The following RNF19B variants were observed in gnomAD, a reference collection of about 807,000 sequenced individuals.
RNF19B encodes E3 ubiquitin-protein ligase RNF19B.
In RNF19B, 23 loss-of-function variants were observed where a neutral mutation model predicts 65.5. That is an observed-to-expected ratio of 0.35 (90% CI 0.25 to 0.50). The LOEUF (loss-of-function observed/expected upper bound fraction) is 0.50. Ranked by LOEUF, RNF19B falls within the 20% of genes least tolerant of loss-of-function variation. The pLI, the probability that RNF19B is intolerant of heterozygous loss-of-function variation, is 0.98. For synonymous variants in RNF19B, 372 were observed against 379.6 expected (o/e 0.98, Z 0.23); for missense variants, 794 against 980.0 (o/e 0.81, Z 2.53).
chr1:32,932,833 C>A (rs1472165937), downstream of RNF19B, among the ~76,000 whole-genome samples: 4 of 152,194 alleles, frequency 2.6e-5, no homozygotes, highest in Non-Finnish European at 5.9e-5. Context: ...TTTGTTCCAG[C>A]CATATAGGCC....
Position 32,937,000 on chromosome 1 carries a change from T to C in RNF19B, c.2002A>G (p.Ser668Gly). 6.2e-7 allele frequency: 1 copy of C among 1,614,154 alleles called. No homozygotes were observed. The highest frequency in any genetic ancestry group is 8.5e-7 in the Non-Finnish European group (1 of 1,180,040). Residue 668 changes from serine (S) to glycine (G), a missense_variant, in exon 9 of 9, where the codon AGT (serine) becomes GGT (glycine). Around this residue, in one of 3 missense-constraint regions of RNF19B, gnomAD observed 368 missense variants for 447.3 expected, o/e 0.82. Coordinates refer to ENST00000235150, the MANE Select transcript of RNF19B (RefSeq NM_001300826.2). ...QPESIRSDLE[S>G]SDAQSDDVPD... is the part of the protein sequence containing the mutation. ...ACATCGTCTGACTGTGCATCAGAACTCTCTAGGTCACTGCGGATGCTTTCA... is the reference window on the plus strand; with the variant it reads ...ACATCGTCTGACTGTGCATCAGAACCCTCTAGGTCACTGCGGATGCTTTCA...
chr1:32,949,543 G>C (rs368102409), intron 2 of RNF19B, 26 bp downstream of exon 2: 7 of 1,595,786 alleles, frequency 4.4e-6, no homozygotes, highest in Non-Finnish European at 4.3e-6. Flanking sequence ...CAAATAAAGA[G>C]ACAATGAGAT....
chr1:32,964,416 C>CGCCTCGGCCTCG lies in RNF19B; in HGVS notation c.258_269dup (p.Glu89_Ala92dup), dbSNP rs1184731431. ...GCTCCGCCGCCGCCGCCGCGGCCTC[C>CGCCTCGGCCTCG]GCCTCGGCCTCGGCGGCCGGCTCGG... On this transcript the variant is annotated inframe_insertion, in exon 1 of 9. Coordinates refer to ENST00000235150, the MANE Select transcript of RNF19B (RefSeq NM_001300826.2). The surrounding 1 kb of genome is among the most constrained non-coding windows in gnomAD (Gnocchi z 6.5). 2.2e-5 allele frequency: 27 copies of CGCCTCGGCCTCG among 1,235,684 alleles called. No homozygotes were observed. The African/African-American group carries it at 4.1e-4, about 19-fold the overall frequency. The allele number at this position is 1,235,684 out of a possible 1,614,324, so 76.5% of individuals were successfully genotyped here.
chr1:32,954,891 C>A (rs1244265705), intron 1 of RNF19B, among the ~76,000 whole-genome samples: 2 of 152,100 alleles, frequency 1.3e-5, no homozygotes, highest in Non-Finnish European at 2.9e-5. Context: ...ATCGTACACT[C>A]TGTCCTACTT....
chr1:32,932,884 A>G (rs960648900), downstream of RNF19B, among the ~76,000 whole-genome samples: 1 of 151,780 alleles, frequency 6.6e-6, no homozygotes, highest in African/African-American at 2.4e-5. Context: ...AGGATGCTCT[A>G]CCAAAGGGCC....
downstream of RNF19B, among the ~76,000 whole-genome samples, chr1:32,934,867 C>CT (rs1642071050): frequency 6.6e-6 from 1 of 152,170 alleles, no homozygotes; most frequent in South Asian, 2.1e-4. Context: ...GAGTCTCACT[C>CT]TGTCACCCAG....
At chr1:32,930,965 G>A in the RNF19B span, among the ~76,000 whole-genome samples, 1 of 152,094 alleles carries the variant, frequency 6.6e-6, no homozygotes, top group Non-Finnish European at 1.5e-5. Context: ...GCATGAGCCT[G>A]TAATTCCAGC....
intron 5 of RNF19B, 93 bp from the exon 6 acceptor site, chr1:32,944,252 T>A (rs969653730): frequency 7.2e-7 from 1 of 1,391,692 alleles, no homozygotes; most frequent in African/African-American, 1.5e-5. Flanking sequence ...AACCACTTTA[T>A]AAAGAAAGGA....
At position 32,942,386 on chromosome 1, in the gene RNF19B, C is replaced by G. The variant is rs1309593933; in HGVS notation, c.1476G>C (p.Leu492Phe). ...ESSIEGLTSVLSTSGSPTDGL... is the reference protein window; with the variant it reads ...ESSIEGLTSVFSTSGSPTDGL... ...CATCTGTAGGGCTTCCACTAGTGCT[C>G]AATACACTAGTCAGGCCTTCAATGC... The change falls in exon 7 of 9, where the codon TTG becomes TTC. Residue 492 changes from leucine to phenylalanine, a missense_variant. Transcript: ENST00000235150. 3.1e-6 allele frequency: 5 copies of G among 1,614,036 alleles called. No homozygotes were observed. The highest frequency in any genetic ancestry group is 4.2e-6 in the Non-Finnish European group (5 of 1,179,892).
At chr1:32,935,043 G>A (rs1642074429), downstream of RNF19B, among the ~76,000 whole-genome samples, 1 of 151,942 alleles carries the variant, frequency 6.6e-6, no homozygotes, top group African/African-American at 2.4e-5. Flanking sequence ...TGTTGGCCAG[G>A]ATGGTCTTGA....
chr1:32,955,205 T>C (rs1468389550), intron 1 of RNF19B, among the ~76,000 whole-genome samples: 1 of 152,104 alleles, frequency 6.6e-6, no homozygotes, highest in Non-Finnish European at 1.5e-5. Flanking sequence ...CTGTGTTGCA[T>C]GAATGACAGA....
chr1:32,936,679 A>C lies in RNF19B; in HGVS notation c.*127T>G. ...GAATTTCTCAGAATTTCCCTGGGCA[A>C]AAACCTGTGACCAGAGAATCTGTGA... On this transcript the variant is annotated 3_prime_UTR_variant, in exon 9 of 9. Transcript: ENST00000235150. 3 of 982,606 alleles carry C rather than the reference A, an allele frequency of 3.1e-6. No individual in the cohort carries two copies. Among genetic ancestry groups the C allele is most frequent in the Non-Finnish European group, 4.2e-6 (3 of 720,732 alleles). The allele number at this position is 982,606 out of a possible 1,614,324, so 60.9% of individuals were successfully genotyped here. A position where few individuals can be genotyped will look rare whatever the true frequency, so the allele number is the denominator to read the frequency against.
intron 1 of RNF19B, among the ~76,000 whole-genome samples, chr1:32,960,851 TTAA>T (rs1437393875): frequency 6.6e-6 from 1 of 151,516 alleles, no homozygotes; most frequent in African/African-American, 2.4e-5. Context: ...AATAATAATA[TTAA>T]TAATAATAAT....
chr1:32,945,619 T>A lies in RNF19B; in HGVS notation c.1156A>T (p.Arg386Trp). Residue 386 changes from arginine (R) to tryptophan (W), a missense_variant, in exon 5 of 9, where the codon AGG (arginine) becomes TGG (tryptophan). Physicochemically the swap from Arg to Trp is moderately radical, Grantham distance 101. This residue lies in a region of RNF19B where 368 missense variants were observed against 447.3 expected (regional missense o/e 0.82). Transcript: ENST00000235150. ...TTGGAGGTTTTCCTTCCCTCATACC[T>A]GCTGTGAATCTAAGAATAAAAAAAG... ...PVYVGRKIHS[R>W]YEGRKTSKHK... 1 of 1,600,962 alleles carries A rather than the reference T, an allele frequency of 6.2e-7. No individual in the cohort carries two copies. Among genetic ancestry groups the A allele is most frequent in the Non-Finnish European group, 8.6e-7 (1 of 1,168,188 alleles).
intron 7 of RNF19B, among the ~76,000 whole-genome samples, chr1:32,939,938 G>A (rs1157413546): frequency 6.6e-6 from 1 of 152,152 alleles, no homozygotes; most frequent in Non-Finnish European, 1.5e-5. Flanking sequence ...CAGCATGTGG[G>A]GGCGGGATCC....
chr1:32,962,109 C>T (rs1642784128), intron 1 of RNF19B, among the ~76,000 whole-genome samples: 2 of 152,090 alleles, frequency 1.3e-5, no homozygotes, highest in Non-Finnish European at 2.9e-5. Flanking sequence ...GCTGGGACTA[C>T]AGGTGTGCAC....
chr1:32,937,061 C>T lies in RNF19B; in HGVS notation c.1941G>A (p.Leu647=), dbSNP rs1212716870. The change falls in exon 9 of 9, where the codon CTG becomes CTA. Residue 647 remains leucine, a synonymous_variant. Transcript: ENST00000235150. ...RHQSCEQKDC[L]ASKPWDISLA... The stretch of plus-strand genomic sequence containing the variant: ...GGCTGATGTCCCAAGGTTTGCTGGC[C>T]AGGCAGTCTTTCTGTTCACAGCTTT... 3.1e-6 allele frequency: 5 copies of T among 1,614,056 alleles called. No individual in the cohort carries two copies. In the Admixed American group the frequency reaches 8.3e-5, roughly 27 times the overall value.
intron 1 of RNF19B, among the ~76,000 whole-genome samples, chr1:32,958,707 G>A (rs551653563): frequency 5.9e-4 from 89 of 150,640 alleles, no homozygotes; most frequent in African/African-American, 2.1e-3. Context: ...GCAACAGAGC[G>A]AGACTCCATC....
chr1:32,959,881 CAAA>C lies in RNF19B; in HGVS notation c.635+4167_635+4169del, dbSNP rs35488614. On this transcript the variant is annotated intron_variant, in intron 1 of 8. Coordinates refer to ENST00000235150, the MANE Select transcript of RNF19B (RefSeq NM_001300826.2). ...TGAAACCCCGTCTCTACTAAAAATACAAAAAAAAAAAAAAAAAAAATTAACCAG... is the reference window on the plus strand; with the variant it reads ...TGAAACCCCGTCTCTACTAAAAATACAAAAAAAAAAAAAAAAATTAACCAG... 2.4e-3 allele frequency among the ~76,000 whole-genome samples: 224 copies of C among 93,158 alleles called. 1 individual carries two copies. The highest frequency in any genetic ancestry group is 7.8e-3 in the African/African-American group (201 of 25,612). 61.1% of individuals were successfully genotyped at this position (93,158 alleles called of 152,430 possible).
Sources: gnomAD v4.1 joint callset for allele counts (sites outside exome capture counted in the v4.1 genomes callset) on GRCh38, gnomAD v4.1.1 for gene constraint, gnomAD v4.1.1 regional missense constraint, Gnocchi (gnomAD v3.1) non-coding constraint, MANE v1.5 for transcripts, NCBI Gene and HGNC (gene_info 2026-07-23, HGNC 2026-07-21) for gene names.